Variants in TOM1 observed in about 807,000 individuals in gnomAD.
TOM1 encodes target of myb1 membrane trafficking protein.
Under a neutral mutation model 61.3 loss-of-function variants are expected in TOM1, and 38 were observed. The observed-to-expected ratio is 0.62, with a 90% confidence interval of 0.48 to 0.81. TOM1 has a LOEUF of 0.81. TOM1 is among the 40% of genes least tolerant of loss of function. The pLI is 0.00. For missense variants in TOM1, 591 were observed against 659.6 expected, an observed-to-expected ratio of 0.90 and a Z score of 1.14; for synonymous variants, 270 against 268.8, an observed-to-expected ratio of 1.00 and a Z score of -0.04.
chr22:35,322,788 G>A (rs751548792), intron 3 of TOM1, among the ~76,000 whole-genome samples: 13 of 152,154 alleles, frequency 8.5e-5, no homozygotes, highest in South Asian at 2.1e-4. Flanking sequence ...ACGCCAGTCA[G>A]GGAAGGAAGT....
chr22:35,332,718 G>A (rs888838415), intron 8 of TOM1, among the ~76,000 whole-genome samples: 4 of 152,008 alleles, frequency 2.6e-5, no homozygotes, highest in African/African-American at 9.7e-5. Flanking sequence ...CTGTTTATTT[G>A]TTTCATGCTA....
intron 6 of TOM1, among the ~76,000 whole-genome samples, chr22:35,326,558 G>A (rs1928323224): frequency 6.6e-6 from 1 of 152,226 alleles, no homozygotes; most frequent in South Asian, 2.1e-4. Context: ...ATCCTTAGAT[G>A]AGCCTGGGAC....
At chr22:35,319,496 C>T (rs1291270514) in intron 2 of TOM1, among the ~76,000 whole-genome samples, 4 of 152,222 alleles carry the variant, frequency 2.6e-5, no homozygotes, top group East Asian at 1.9e-4. Context: ...CATGGGCCCA[C>T]AGCAGTGGCA....
chr22:35,318,788 G>A (rs1378942172), intron 2 of TOM1, among the ~76,000 whole-genome samples: 1 of 152,262 alleles, frequency 6.6e-6, no homozygotes, highest in African/African-American at 2.4e-5. Flanking sequence ...AGGAAGTGCT[G>A]CCAGACGAGG....
intron 1 of TOM1, among the ~76,000 whole-genome samples, chr22:35,301,048 C>CA (rs139553640): frequency 0.046 from 5,166 of 111,098 alleles, 296 homozygotes; most frequent in East Asian, 0.16. Flanking sequence ...CCCGTCTCTA[C>CA]AAAAAAAAAA....
intron 14 of TOM1, 30 bp from the exon 15 acceptor site, chr22:35,347,025 G>GC: frequency 6.2e-7 from 1 of 1,608,630 alleles, no homozygotes; most frequent in Non-Finnish European, 8.5e-7. Flanking sequence ...TGGCCTCAGG[G>GC]CCTACCCTCA....
chr22:35,334,475 C>T (rs1372419967), intron 11 of TOM1, 27 bp downstream of exon 11: 7 of 1,612,668 alleles, frequency 4.3e-6, no homozygotes, highest in East Asian at 4.5e-5. Flanking sequence ...TGCCCTGGTC[C>T]CCTGCAGTTC....
chr22:35,318,297 C>T (rs1927483325), intron 2 of TOM1: 3 of 380,808 alleles, frequency 7.9e-6, no homozygotes, highest in East Asian at 4.4e-5. Flanking sequence ...TGACCCCAAG[C>T]GCCATCTGCA....
chr22:35,322,679 C>G (rs574302602), intron 3 of TOM1: 25 of 240,108 alleles, frequency 1.0e-4, no homozygotes. Flanking sequence ...GCTCACCAGT[C>G]GATTGACATC....
intron 1 of TOM1, among the ~76,000 whole-genome samples, chr22:35,300,737 A>G (rs552717608): frequency 5.9e-5 from 9 of 152,130 alleles, no homozygotes; most frequent in African/African-American, 2.2e-4. Context: ...GTGACAGGAT[A>G]CTCACAGTTC....
At chr22:35,345,134 T>G (rs1930397213) in intron 12 of TOM1, 1 of 156,206 alleles carries the variant, frequency 6.4e-6, no homozygotes, top group African/African-American at 2.4e-5. Flanking sequence ...TGTCCCCATC[T>G]GTAGCACCGC....
At chr22:35,332,853 C>A in intron 8 of TOM1, 128 bp from the exon 9 acceptor site, 1 of 913,546 alleles carries the variant, frequency 1.1e-6, no homozygotes, top group Non-Finnish European at 1.8e-6. Flanking sequence ...GCACACCAGA[C>A]GTGTCATCAC....
At chr22:35,320,495 G>A (rs1424853905) in intron 2 of TOM1, among the ~76,000 whole-genome samples, 1 of 152,012 alleles carries the variant, frequency 6.6e-6, no homozygotes, top group African/African-American at 2.4e-5. Context: ...CCCACACTCA[G>A]TGTGGCCTCC....
intron 2 of TOM1, 137 bp from the exon 3 acceptor site, chr22:35,321,822 A>G (rs752895917): frequency 1.2e-6 from 1 of 812,646 alleles, no homozygotes; most frequent in Non-Finnish European, 2.2e-6. Flanking sequence ...TGATGTGATC[A>G]GAACCTGGCT....
At chr22:35,318,334 G>A (rs1927487342) in intron 2 of TOM1, 1 of 260,326 alleles carries the variant, frequency 3.8e-6, no homozygotes, top group Non-Finnish European at 7.4e-6. Flanking sequence ...GTGTACTAGA[G>A]AGACTCCGGC....
At chr22:35,322,067 AG>A in intron 3 of TOM1, 30 bp downstream of exon 3, 1 of 1,606,170 alleles carries the variant, frequency 6.2e-7, no homozygotes, top group Non-Finnish European at 8.5e-7. Context: ...GTCCTGTGGC[AG>A]GACTACGGTC....
chr22:35,307,661 T>C (rs74956557), intron 1 of TOM1, among the ~76,000 whole-genome samples: 1,720 of 152,024 alleles, frequency 0.011, 32 homozygotes, highest in African/African-American at 0.039. Flanking sequence ...TCGCTCCTGC[T>C]GGGGAAGGTA....
At chr22:35,309,370 G>A (rs573205595) in intron 1 of TOM1, among the ~76,000 whole-genome samples, 6 of 152,272 alleles carry the variant, frequency 3.9e-5, no homozygotes, top group East Asian at 1.9e-4. Flanking sequence ...GAGGCCAGGC[G>A]CAGTGGCTCA....
At chr22:35,315,974 C>T (rs944172551) in intron 1 of TOM1, among the ~76,000 whole-genome samples, 11 of 152,232 alleles carry the variant, frequency 7.2e-5, no homozygotes, top group South Asian at 4.1e-4. Context: ...CTCCCCGAGC[C>T]GGGGCACAGC....
Sources: allele counts gnomAD v4.1 joint callset (sites outside exome capture counted in the v4.1 genomes callset), GRCh38; gene constraint gnomAD v4.1.1; transcripts MANE v1.5; gene names NCBI Gene and HGNC (gene_info 2026-07-23, HGNC 2026-07-21).